Variants in ELAVL3 observed in about 807,000 individuals in gnomAD.
ELAVL3 encodes the protein ELAV-like protein 3.
Under a neutral mutation model 34.2 loss-of-function variants are expected in ELAVL3, and 8 were observed. The observed-to-expected ratio is 0.23, with a 90% CI of 0.14 to 0.42. ELAVL3 has a LOEUF of 0.42. ELAVL3 is among the 10% of genes least tolerant of loss of function. ELAVL3 has a pLI of 1.00. For synonymous variants in ELAVL3, 209 were observed against 222.1 expected (o/e 0.94, Z 0.53); for missense variants, 273 against 518.8 (o/e 0.53, Z 4.60).
Position 11,454,424 on chromosome 19 carries a change from G to C in ELAVL3, c.*102C>G. The stretch of plus-strand genomic sequence containing the variant: ...GGGCCCTCGCGTCGTCCGTGGGGCT[G>C]CCTGTGCTGTCTCTCTTGGGCCCCT... On this transcript the variant is annotated 3_prime_UTR_variant, in exon 7 of 7. Transcript: ENST00000359227. This position sits in a 1 kb window ranked among gnomAD's most constrained non-coding sequence, Gnocchi z 9.2. The C allele has an allele frequency of 8.5e-7, 1 of 1,182,976 alleles. No homozygotes were observed. The highest frequency in any genetic ancestry group is 1.2e-6 in the Non-Finnish European group (1 of 864,708). 73.3% of individuals were successfully genotyped at this position (1,182,976 alleles called of 1,614,324 possible).
Position 11,466,444 on chromosome 19 carries a change from C to T in ELAVL3, c.229+164G>A, listed in dbSNP as rs1971053872. 6.6e-6 allele frequency among the ~76,000 whole-genome samples: 1 copy of T among 151,852 alleles called. No homozygotes were observed. On this transcript the variant is annotated intron_variant, in intron 2 of 6. Coordinates refer to ENST00000359227, the MANE Select transcript of ELAVL3 (RefSeq NM_001420.4). This position sits in a 1 kb window ranked among gnomAD's most constrained non-coding sequence, Gnocchi z 5.0. Reference sequence around the variant, plus strand: ...CTGCCTCCATCGCTCCTGAGACCTTCACCTAGGGGGTATACCCATCTCCCC... The same window carrying T: ...CTGCCTCCATCGCTCCTGAGACCTTTACCTAGGGGGTATACCCATCTCCCC...
chr19:11,469,415 G>A (rs946216151), intron 1 of ELAVL3, among the ~76,000 whole-genome samples: 1 of 152,122 alleles, frequency 6.6e-6, no homozygotes, highest in Non-Finnish European at 1.5e-5. Context: ...TGAGTAGCTG[G>A]AAGTATAGGC....
intron 1 of ELAVL3, among the ~76,000 whole-genome samples, chr19:11,475,811 T>C (rs13346717): frequency 0.14 from 21,937 of 151,930 alleles, 3,255 homozygotes; most frequent in African/African-American, 0.38. Context: ...GACACCGTTT[T>C]GCCATGTTAG....
At chr19:11,457,933 A>G in intron 5 of ELAVL3, 128 bp downstream of exon 5, 1 of 973,540 alleles carries the variant, frequency 1.0e-6, no homozygotes, top group Non-Finnish European at 1.5e-6. Context: ...CACCTGACAG[A>G]TAGGCTCCTT....
chr19:11,459,690 G>A (rs1015899850), intron 3 of ELAVL3, among the ~76,000 whole-genome samples: 3 of 152,108 alleles, frequency 2.0e-5, no homozygotes, highest in African/African-American at 7.2e-5. Flanking sequence ...TGGGATTATA[G>A]GTGTGAGCCA....
intron 3 of ELAVL3, among the ~76,000 whole-genome samples, chr19:11,465,607 C>T (rs74179995): frequency 6.6e-6 from 1 of 150,860 alleles, no homozygotes; most frequent in Non-Finnish European, 1.5e-5. Flanking sequence ...ACCCTGGCTT[C>T]CTCCAGGGTC....
Position 11,454,998 on chromosome 19 carries a change from A to C in ELAVL3, c.753-121T>G. 2.5e-6 allele frequency: 3 copies of C among 1,181,078 alleles called. No homozygotes were observed. The highest frequency in any genetic ancestry group is 2.4e-6 in the Non-Finnish European group (2 of 844,848). The allele number at this position is 1,181,078 out of a possible 1,614,324, so 73.2% of individuals were successfully genotyped here. On this transcript the variant is annotated intron_variant, in intron 6 of 6. Transcript: ENST00000359227. The surrounding 1 kb of genome is among the most constrained non-coding windows in gnomAD (Gnocchi z 9.2). ...GACCTTGGAATGGTGTGACCCCTGC[A>C]ATGCAATTTTTTTTTTTAGAGACAC...
In ELAVL3 at chr19:11,474,787, G is replaced by A. The variant is rs114787330; in HGVS notation, c.9+5813C>T. Among the ~76,000 whole-genome samples the A allele has an allele frequency of 4.3e-3, 658 of 152,286 alleles. 5 individuals carry two copies. Among genetic ancestry groups the A allele is most frequent in the African/African-American group, 0.015 (619 of 41,562 alleles). ...TCATCTCAGCCTCTCAAGTAGCTATGACTACAGGCATGTGCCATTGCATGG... is the reference window on the plus strand; with the variant it reads ...TCATCTCAGCCTCTCAAGTAGCTATAACTACAGGCATGTGCCATTGCATGG... On this transcript the variant is annotated intron_variant, in intron 1 of 6. Transcript: ENST00000359227.
intron 1 of ELAVL3, among the ~76,000 whole-genome samples, chr19:11,479,275 G>A (rs946912183): frequency 3.9e-5 from 6 of 152,140 alleles, no homozygotes; most frequent in Non-Finnish European, 7.4e-5. Flanking sequence ...AGGTGAGCCA[G>A]GCCTCCGGGA....
chr19:11,454,279 G>C lies in ELAVL3; in HGVS notation c.*247C>G, dbSNP rs1970718901. On this transcript the variant is annotated 3_prime_UTR_variant, in exon 7 of 7. Coordinates refer to ENST00000359227, the MANE Select transcript of ELAVL3 (RefSeq NM_001420.4). This position sits in a 1 kb window ranked among gnomAD's most constrained non-coding sequence, Gnocchi z 9.2. The stretch of plus-strand genomic sequence containing the variant: ...ATGAACCAAACCAAGACGAGAGAGT[G>C]AACAGCCCAGCCTGGGGTGGGGGCA... The C allele has an allele frequency of 4.0e-6, 2 of 503,330 alleles. No homozygotes were observed. The highest frequency in any genetic ancestry group is 3.1e-5 in the East Asian group (1 of 32,100). The allele number at this position is 503,330 out of a possible 1,614,324, so 31.2% of individuals were successfully genotyped here.
intron 1 of ELAVL3, among the ~76,000 whole-genome samples, chr19:11,469,692 G>T (rs778597488): frequency 3.3e-5 from 5 of 152,152 alleles, no homozygotes; most frequent in African/African-American, 4.8e-5. Context: ...GAATTTTTTG[G>T]TGGTTTAGCA....
Position 11,458,100 on chromosome 19 carries a change from C to A in ELAVL3, c.674G>T (p.Arg225Leu). The stretch of plus-strand genomic sequence containing the variant: ...CTGATGGTGTAGGGGGCCTGCGTAG[C>A]GCCGGGCGGATGACTGGTAGAGGTG... ...LTHLYQSSAR[R>L]YAGPLHHQTQ... Residue 225 changes from arginine to leucine, a missense_variant, in exon 5 of 7, where the codon CGC (arginine) becomes CTC (leucine). Around this residue, in one of 4 missense-constraint regions of ELAVL3, gnomAD observed 79 missense variants for 108.2 expected, o/e 0.73. Coordinates refer to ENST00000359227, the MANE Select transcript of ELAVL3 (RefSeq NM_001420.4). The surrounding 1 kb of genome is among the most constrained non-coding windows in gnomAD (Gnocchi z 7.3). 1 of 1,613,828 alleles carries A rather than the reference C, an allele frequency of 6.2e-7. No homozygotes were observed. Among genetic ancestry groups the A allele is most frequent in the Non-Finnish European group, 8.5e-7 (1 of 1,180,032 alleles).
chr19:11,467,151 AG>A (rs1971070839), intron 1 of ELAVL3, among the ~76,000 whole-genome samples: 1 of 152,180 alleles, frequency 6.6e-6, no homozygotes, highest in Non-Finnish European at 1.5e-5. Context: ...CGTCGGGCGC[AG>A]TGGCTCACGC....
At chr19:11,468,580 A>G (rs1352868110) in intron 1 of ELAVL3, among the ~76,000 whole-genome samples, 2 of 150,800 alleles carry the variant, frequency 1.3e-5, no homozygotes, top group African/African-American at 2.4e-5. Context: ...ACGCCCGCCA[A>G]ATTTTTTTGT....
At chr19:11,455,299 A>AT (rs566267500) in intron 6 of ELAVL3, among the ~76,000 whole-genome samples, 20,936 of 122,812 alleles carry the variant, frequency 0.17, 1,814 homozygotes, top group African/African-American at 0.23. Flanking sequence ...TGCCCCACTA[A>AT]TTTTTTTTTT....
intron 5 of ELAVL3, 101 bp from the exon 6 acceptor site, chr19:11,457,249 G>A: frequency 3.3e-6 from 4 of 1,202,330 alleles, no homozygotes; most frequent in Non-Finnish European, 4.4e-6. Flanking sequence ...CAGGCCTGCA[G>A]CAGAGCCCTG....
At chr19:11,476,259 C>T (rs778384821) in intron 1 of ELAVL3, among the ~76,000 whole-genome samples, 1 of 152,090 alleles carries the variant, frequency 6.6e-6, no homozygotes, top group African/African-American at 2.4e-5. Flanking sequence ...ATTTAATACA[C>T]GAGGAAAGAG....
intron 6 of ELAVL3, among the ~76,000 whole-genome samples, chr19:11,456,578 C>T (rs1222061054): frequency 6.6e-6 from 1 of 150,852 alleles, no homozygotes; most frequent in Non-Finnish European, 1.5e-5. Context: ...CAGCTCACTG[C>T]AACCTCCTCC....
intron 3 of ELAVL3, among the ~76,000 whole-genome samples, chr19:11,461,470 CCCTCCCTCCCTT>C (rs1293435246): frequency 1.4e-5 from 2 of 140,476 alleles, no homozygotes; most frequent in African/African-American, 5.6e-5. Context: ...CTCCCTCCCT[CCCTCCCTCCCTT>C]CCTTCCTTCC....
Sources: allele counts gnomAD v4.1 joint callset (sites outside exome capture counted in the v4.1 genomes callset), GRCh38; gene constraint gnomAD v4.1.1; regional missense constraint gnomAD v4.1.1; non-coding constraint Gnocchi (gnomAD v3.1); transcripts MANE v1.5; gene names NCBI Gene and HGNC (gene_info 2026-07-23, HGNC 2026-07-21).